ZFHX3: variants seen among roughly 807,000 people sequenced by gnomAD.
ZFHX3 encodes zinc finger homeobox protein 3.
Under a neutral mutation model 279.1 loss-of-function variants are expected in ZFHX3, and 42 were observed. That is an observed-to-expected ratio of 0.15 (90% CI 0.12 to 0.19). ZFHX3 has a LOEUF of 0.19. Ranked by LOEUF, ZFHX3 falls within the 10% of genes least tolerant of loss-of-function variation. The probability of loss-of-function intolerance (pLI) is 1.00; values close to 1 mark genes in which losing one functional copy is unlikely to be tolerated. For synonymous variants in ZFHX3, 2,293 were observed against 1,957.8 expected, an observed-to-expected ratio of 1.17 and a Z score of -4.52; for missense variants, 4,981 against 4,754.0, an observed-to-expected ratio of 1.05 and a Z score of -1.40.
intron 1 of ZFHX3, among the ~76,000 whole-genome samples, chr16:73,823,947 A>T (rs1243558336): frequency 6.6e-6 from 1 of 152,322 alleles, no homozygotes; most frequent in East Asian, 1.9e-4. Flanking sequence ...ACTAAGCCAG[A>T]TTTGTGCATT....
chr16:73,170,921 C>T (rs533004424), intron 5 of ZFHX3, among the ~76,000 whole-genome samples: 2 of 152,178 alleles, frequency 1.3e-5, no homozygotes, highest in Admixed American at 6.5e-5. Flanking sequence ...TTGAGTTTTC[C>T]GACGCACCGT....
chr16:73,481,597 G>A (rs1049174065), intron 2 of ZFHX3, among the ~76,000 whole-genome samples: 10 of 151,308 alleles, frequency 6.6e-5, no homozygotes, highest in African/African-American at 2.4e-4. Context: ...AGCCATGCCT[G>A]GTTAATGTGC....
intron 3 of ZFHX3, among the ~76,000 whole-genome samples, chr16:73,424,195 G>A (rs984579673): frequency 2.6e-5 from 4 of 152,160 alleles, no homozygotes; most frequent in Non-Finnish European, 5.9e-5. Context: ...CTGACCAATA[G>A]AAAGGCTTCA....
At chr16:73,150,181 C>G (rs1159663009) in intron 5 of ZFHX3, among the ~76,000 whole-genome samples, 2 of 152,134 alleles carry the variant, frequency 1.3e-5, no homozygotes, top group East Asian at 3.9e-4. Flanking sequence ...ATTCACTCTT[C>G]CCCCACCACA....
chr16:73,434,157 C>T (rs895397130), intron 3 of ZFHX3, among the ~76,000 whole-genome samples: 6 of 152,180 alleles, frequency 3.9e-5, no homozygotes, highest in East Asian at 1.9e-4. Context: ...ATTTGCTGAT[C>T]GATCTTGGAC....
At chr16:73,318,139 G>A (rs1304300707) in intron 4 of ZFHX3, 1 of 152,178 alleles carries the variant, frequency 6.6e-6, no homozygotes, top group Non-Finnish European at 1.5e-5. Flanking sequence ...ATGCCAGTGA[G>A]TTGTTTTGCT....
intron 1 of ZFHX3, among the ~76,000 whole-genome samples, chr16:73,747,741 G>C (rs2053717367): frequency 6.6e-6 from 1 of 152,000 alleles, no homozygotes; most frequent in Non-Finnish European, 1.5e-5. Context: ...CCATTTAGAT[G>C]GCCAACAGCC....
At chr16:73,693,859 A>G (rs1056327220) in intron 1 of ZFHX3, among the ~76,000 whole-genome samples, 4 of 152,128 alleles carry the variant, frequency 2.6e-5, no homozygotes, top group Non-Finnish European at 5.9e-5. Context: ...TGGATTATCA[A>G]ACACCTACAA....
intron 5 of ZFHX3, among the ~76,000 whole-genome samples, chr16:73,169,346 G>C (rs1010006002): frequency 6.6e-6 from 1 of 152,142 alleles, no homozygotes; most frequent in African/African-American, 2.4e-5. Flanking sequence ...TTGGTATTAT[G>C]AATCTCTTGT....
chr16:72,930,472 C>T (rs1959726990), intron 3 of ZFHX3, among the ~76,000 whole-genome samples: 1 of 151,896 alleles, frequency 6.6e-6, no homozygotes, highest in South Asian at 2.1e-4. Context: ...TGATCTCTTG[C>T]AGACAGATTT....
intron 5 of ZFHX3, among the ~76,000 whole-genome samples, chr16:73,148,558 T>A (rs1966879248): frequency 2.5e-5 from 2 of 79,168 alleles, no homozygotes; most frequent in Non-Finnish European, 5.4e-5. Flanking sequence ...TGCTGGGCTT[T>A]TTTTTTTTTT....
At chr16:73,554,636 C>A (rs1214059787) in intron 2 of ZFHX3, 1 of 152,192 alleles carries the variant, frequency 6.6e-6, no homozygotes, top group Non-Finnish European at 1.5e-5. Flanking sequence ...TGGCTAATTT[C>A]TGGCTTTCAC....
intron 1 of ZFHX3, among the ~76,000 whole-genome samples, chr16:73,850,013 G>A (rs563382293): frequency 2.1e-4 from 32 of 152,282 alleles, no homozygotes; most frequent in South Asian, 2.1e-3. Flanking sequence ...GATTACAGGC[G>A]TGAGCCACCG....
chr16:73,794,834 T>C (rs989405440), intron 1 of ZFHX3, among the ~76,000 whole-genome samples: 1 of 152,194 alleles, frequency 6.6e-6, no homozygotes, highest in African/African-American at 2.4e-5. Flanking sequence ...ACCTCCCCCA[T>C]CCAAACTTTG....
intron 3 of ZFHX3, among the ~76,000 whole-genome samples, chr16:73,368,767 A>G (rs1372526653): frequency 6.6e-6 from 1 of 152,218 alleles, no homozygotes; most frequent in Non-Finnish European, 1.5e-5. Context: ...TTCATTGAGT[A>G]TCTATTATGT....
intron 2 of ZFHX3, among the ~76,000 whole-genome samples, chr16:73,507,170 C>G (rs1171645911): frequency 6.6e-6 from 1 of 152,166 alleles, no homozygotes; most frequent in Non-Finnish European, 1.5e-5. Context: ...TAGGCACACT[C>G]TGATTCAGGT....
At chr16:73,457,506 C>G (rs1168119507) in intron 2 of ZFHX3, among the ~76,000 whole-genome samples, 1 of 152,226 alleles carries the variant, frequency 6.6e-6, no homozygotes, top group Admixed American at 6.5e-5. Flanking sequence ...GGCACGCTGG[C>G]TCACTCCTGT....
At chr16:73,454,995 C>A (rs2018347789) in intron 3 of ZFHX3, among the ~76,000 whole-genome samples, 1 of 151,970 alleles carries the variant, frequency 6.6e-6, no homozygotes, top group South Asian at 2.1e-4. Flanking sequence ...ACCTTTTATG[C>A]CAAGAACATG....
At chr16:73,310,572 C>T (rs1023975064) in intron 4 of ZFHX3, among the ~76,000 whole-genome samples, 3 of 152,084 alleles carry the variant, frequency 2.0e-5, no homozygotes, top group African/African-American at 7.2e-5. Context: ...GGCAGCAGTG[C>T]TGCTGACATC....
Sources: allele counts gnomAD v4.1 joint callset (sites outside exome capture counted in the v4.1 genomes callset), GRCh38; gene constraint gnomAD v4.1.1; transcripts MANE v1.5; gene names NCBI Gene and HGNC (gene_info 2026-07-23, HGNC 2026-07-21).